Variants in PCDH9 observed in about 807,000 individuals in gnomAD.
PCDH9 encodes protocadherin 9.
Under a neutral mutation model 70.6 loss-of-function variants are expected in PCDH9, and 24 were observed. The ratio of observed to expected loss-of-function variants is 0.34; its 90% CI spans 0.25 to 0.48. PCDH9 has a LOEUF of 0.48. Ranked by LOEUF, PCDH9 falls within the 20% of genes least tolerant of loss-of-function variation. The pLI is 0.99. For synonymous variants in PCDH9, 562 were observed against 558.5 expected, an observed-to-expected ratio of 1.01 and a Z score of -0.09; for missense variants, 1,281 against 1,503.6, an observed-to-expected ratio of 0.85 and a Z score of 2.45.
rs545926379 is a variant in PCDH9 at position 66,422,473 on chromosome 13, A to G, written c.3341-117445T>C. On this transcript the variant is annotated intron_variant, in intron 4 of 4. Transcript: ENST00000377865. ...TAACAGTCTCTCAGACCACAGTGCA[A>G]TCAAATTGGAACTCAGGATTAAGAA... 2.0e-5 allele frequency among the ~76,000 whole-genome samples: 3 copies of G among 152,360 alleles called. No homozygotes were observed. The South Asian group carries it at 6.2e-4, about 32-fold the overall frequency.
intron 3 of PCDH9, among the ~76,000 whole-genome samples, chr13:66,881,788 A>C (rs1379323489): frequency 6.6e-6 from 1 of 152,180 alleles, no homozygotes; most frequent in Non-Finnish European, 1.5e-5. Context: ...TGAATTCATA[A>C]CCATAGAAAT....
intron 2 of PCDH9, among the ~76,000 whole-genome samples, chr13:67,031,698 A>T: frequency 6.6e-6 from 1 of 152,206 alleles, no homozygotes; most frequent in African/African-American, 2.4e-5. Context: ...AATAAAAATA[A>T]TAATCACATA....
At chr13:66,356,476 T>C (rs1240539710) in intron 4 of PCDH9, among the ~76,000 whole-genome samples, 1 of 152,136 alleles carries the variant, frequency 6.6e-6, no homozygotes. Context: ...ATAATTCTTG[T>C]TCTACAATTC....
intron 2 of PCDH9, among the ~76,000 whole-genome samples, chr13:67,169,424 A>G (rs1376151594): frequency 6.6e-6 from 1 of 152,154 alleles, no homozygotes; most frequent in Non-Finnish European, 1.5e-5. Context: ...ATTCGTTCCA[A>G]TTTTATTGTA....
At chr13:66,780,276 CT>C (rs2079977294) in intron 3 of PCDH9, among the ~76,000 whole-genome samples, 1 of 152,074 alleles carries the variant, frequency 6.6e-6, no homozygotes, top group Non-Finnish European at 1.5e-5. Flanking sequence ...GGAAGCAAAT[CT>C]ATTTTTTGCC....
chr13:66,367,703 T>C (rs1166034578), intron 4 of PCDH9, among the ~76,000 whole-genome samples: 2 of 152,262 alleles, frequency 1.3e-5, no homozygotes, highest in South Asian at 2.1e-4. Context: ...TGACACTAAA[T>C]AGATAACCAG....
At chr13:67,090,984 G>A (rs1038787754) in intron 2 of PCDH9, among the ~76,000 whole-genome samples, 1 of 152,040 alleles carries the variant, frequency 6.6e-6, no homozygotes, top group African/African-American at 2.4e-5. Flanking sequence ...TAGAGAGACT[G>A]TAGATCTCAA....
chr13:66,774,842 C>A (rs2079865137), intron 3 of PCDH9, among the ~76,000 whole-genome samples: 3 of 152,218 alleles, frequency 2.0e-5, no homozygotes, highest in Admixed American at 1.3e-4. Context: ...CACCTTCAAT[C>A]AGACAGCTTT....
chr13:66,444,096 G>C (rs1010576568), intron 4 of PCDH9, among the ~76,000 whole-genome samples: 8 of 152,096 alleles, frequency 5.3e-5, no homozygotes, highest in Non-Finnish European at 1.2e-4. Context: ...GATTTACAGA[G>C]AGCCAGTTGT....
intron 4 of PCDH9, among the ~76,000 whole-genome samples, chr13:66,311,362 CTCTCTG>C (rs1339009441): frequency 1.2e-5 from 1 of 80,760 alleles, no homozygotes; most frequent in East Asian, 3.3e-4. Flanking sequence ...CTTTCTCTCT[CTCTCTG>C]TGTGTGTGTG....
intron 2 of PCDH9, among the ~76,000 whole-genome samples, chr13:67,068,971 GTC>G (rs1451893044): frequency 4.7e-5 from 7 of 150,234 alleles, no homozygotes; most frequent in Non-Finnish European, 8.9e-5. Context: ...CATTAGAAAG[GTC>G]TCTAAACAAA....
At position 66,534,106 on chromosome 13, in the gene PCDH9, A is replaced by G. The variant is rs527819677; in HGVS notation, c.3340+97104T>C. Among the ~76,000 whole-genome samples the G allele has an allele frequency of 4.6e-5, 7 of 152,268 alleles. No homozygotes were observed. The South Asian group carries it at 1.2e-3, about 27-fold the overall frequency. On this transcript the variant is annotated intron_variant, in intron 4 of 4. Transcript: ENST00000377865. ...AAACCAAACAAATTCACAACTGAAA[A>G]TGCAGCTAGCCCCAGCTACCATGTC...
At chr13:66,632,552 T>C (rs769017400) in intron 3 of PCDH9, among the ~76,000 whole-genome samples, 1 of 152,202 alleles carries the variant, frequency 6.6e-6, no homozygotes, top group Non-Finnish European at 1.5e-5. Flanking sequence ...AGTGTATACA[T>C]GGTAACTTCA....
chr13:66,815,565 T>C (rs558277570), intron 3 of PCDH9, among the ~76,000 whole-genome samples: 45 of 152,274 alleles, frequency 3.0e-4, no homozygotes, highest in Admixed American at 1.6e-3. Flanking sequence ...ATGTGGTACA[T>C]ATATACCATG....
At chr13:66,334,666 A>G (rs1407177349) in intron 4 of PCDH9, among the ~76,000 whole-genome samples, 1 of 151,536 alleles carries the variant, frequency 6.6e-6, no homozygotes, top group Non-Finnish European at 1.5e-5. Flanking sequence ...TGTCTTTACT[A>G]CTAAAAAAAA....
intron 2 of PCDH9, among the ~76,000 whole-genome samples, chr13:67,110,875 G>A (rs1265087239): frequency 1.3e-5 from 2 of 152,126 alleles, no homozygotes; most frequent in African/African-American, 4.8e-5. Context: ...CTGTTACCCT[G>A]TTTCGTGTTA....
At chr13:66,720,258 GC>G (rs1456555137) in intron 3 of PCDH9, among the ~76,000 whole-genome samples, 4 of 151,420 alleles carry the variant, frequency 2.6e-5, no homozygotes, top group African/African-American at 9.7e-5. Flanking sequence ...TGATTCTCCT[GC>G]CTCAGCCTCC....
At chr13:66,746,191 C>T (rs903832052) in intron 3 of PCDH9, among the ~76,000 whole-genome samples, 2 of 152,136 alleles carry the variant, frequency 1.3e-5, no homozygotes, top group African/African-American at 4.8e-5. Flanking sequence ...TGCTTCCTTT[C>T]AGTGCCTTTT....
rs2087207154 is a variant in PCDH9, at chr13:67,135,276, C to T, written c.3036+90129G>A. Among the ~76,000 whole-genome samples, 3 of 151,928 alleles carry T rather than the reference C, an allele frequency of 2.0e-5. No homozygotes were observed. In the South Asian group the frequency reaches 6.2e-4, roughly 32 times the overall value. On this transcript the variant is annotated intron_variant, in intron 2 of 4. Coordinates refer to ENST00000377865, the MANE Select transcript of PCDH9 (RefSeq NM_203487.3). ...TTAATTTTTTTACTGTTTAATAATT[C>T]TGCCATTTAGGGGATGGTGAAGGTC...
Sources: gnomAD v4.1 joint callset for allele counts (sites outside exome capture counted in the v4.1 genomes callset) on GRCh38, gnomAD v4.1.1 for gene constraint, MANE v1.5 for transcripts, NCBI Gene and HGNC (gene_info 2026-07-23, HGNC 2026-07-21) for gene names.